Variants in ATXN1 observed in about 807,000 individuals in gnomAD.
ATXN1 encodes ataxin-1.
A neutral mutation model predicts 56.4 loss-of-function variants in ATXN1; 8 were observed. The observed-to-expected ratio is 0.14, with a 90% CI of 0.08 to 0.26. ATXN1 has a LOEUF of 0.26. Ranked by LOEUF, ATXN1 falls within the 10% of genes least tolerant of loss-of-function variation. ATXN1 has a pLI of 1.00. For missense variants in ATXN1, 987 were observed against 1,106.5 expected (o/e 0.89, Z 1.53); for synonymous variants, 514 against 494.6 (o/e 1.04, Z -0.52).
At chr6:16,651,784 T>C (rs184651532) in intron 3 of ATXN1, among the ~76,000 whole-genome samples, 2 of 152,302 alleles carry the variant, frequency 1.3e-5, no homozygotes, top group East Asian at 3.9e-4. Flanking sequence ...GAAATACTAG[T>C]TGTGTGTGCA....
chr6:16,376,073 G>T (rs1360454552), intron 6 of ATXN1, among the ~76,000 whole-genome samples: 2 of 152,202 alleles, frequency 1.3e-5, no homozygotes, highest in Non-Finnish European at 2.9e-5. Flanking sequence ...TTTCTGCATG[G>T]TTACATAAGC....
chr6:16,618,331 T>C (rs1160816737), intron 3 of ATXN1, among the ~76,000 whole-genome samples: 1 of 152,166 alleles, frequency 6.6e-6, no homozygotes, highest in Non-Finnish European at 1.5e-5. Context: ...AAAACCTAGA[T>C]GACAGGTTGA....
chr6:16,652,738 G>A (rs1758092671), intron 3 of ATXN1: 1 of 152,188 alleles, frequency 6.6e-6, no homozygotes, highest in African/African-American at 2.4e-5. Context: ...GGAAAATCTA[G>A]TAAGGTCTCC....
At chr6:16,580,559 G>A (rs1762510061) in intron 4 of ATXN1, among the ~76,000 whole-genome samples, 1 of 152,170 alleles carries the variant, frequency 6.6e-6, no homozygotes, top group Non-Finnish European at 1.5e-5. Context: ...ATTTTCTAAT[G>A]TGTTTTAAGA....
At chr6:16,329,537 G>C (rs976388047) in intron 6 of ATXN1, among the ~76,000 whole-genome samples, 2 of 152,112 alleles carry the variant, frequency 1.3e-5, no homozygotes, top group African/African-American at 4.8e-5. Flanking sequence ...AACCGAATTT[G>C]ATTATGGTTA....
At chr6:16,639,267 G>A (rs571600356) in intron 3 of ATXN1, among the ~76,000 whole-genome samples, 7 of 152,264 alleles carry the variant, frequency 4.6e-5, no homozygotes, top group East Asian at 1.9e-4. Flanking sequence ...GCTACTGCTC[G>A]CTCTTTGGGT....
intron 3 of ATXN1, among the ~76,000 whole-genome samples, chr6:16,602,211 G>A (rs1762924137): frequency 6.6e-6 from 1 of 151,962 alleles, no homozygotes; most frequent in Middle Eastern, 3.2e-3. Context: ...CCCTCTAGGT[G>A]CCTCCCCATT....
intron 4 of ATXN1, among the ~76,000 whole-genome samples, chr6:16,576,900 A>G (rs530543732): frequency 1.3e-5 from 2 of 152,264 alleles, no homozygotes; most frequent in East Asian, 3.9e-4. Context: ...TTTATAGGAG[A>G]TTGACATAAA....
chr6:16,610,426 G>A (rs1308275763), intron 3 of ATXN1, among the ~76,000 whole-genome samples: 1 of 151,822 alleles, frequency 6.6e-6, no homozygotes, highest in Admixed American at 6.6e-5. Context: ...CATTCAGTGA[G>A]GAGGAAAAGA....
chr6:16,433,652 T>C (rs145575447), intron 6 of ATXN1, among the ~76,000 whole-genome samples: 2 of 152,344 alleles, frequency 1.3e-5, no homozygotes, highest in African/African-American at 2.4e-5. Context: ...TACTGTCAAA[T>C]ACGATCCATT....
chr6:16,560,372 T>C (rs1034952867), intron 4 of ATXN1, among the ~76,000 whole-genome samples: 3 of 125,698 alleles, frequency 2.4e-5, no homozygotes, highest in Admixed American at 7.6e-5. Flanking sequence ...GAGGTTGCAG[T>C]GCACCGAGAT....
At chr6:16,477,047 C>T (rs1353824675) in intron 6 of ATXN1, among the ~76,000 whole-genome samples, 3 of 151,218 alleles carry the variant, frequency 2.0e-5, no homozygotes, top group African/African-American at 4.9e-5. Context: ...ATACGTCATA[C>T]TTCCTGTCAT....
intron 3 of ATXN1, among the ~76,000 whole-genome samples, chr6:16,619,109 CAG>C (rs1763272541): frequency 6.6e-6 from 1 of 151,734 alleles, no homozygotes; most frequent in South Asian, 2.1e-4. Context: ...ATCAAATTGG[CAG>C]AGTTTTTGTT....
rs185436287 is a variant in ATXN1 at position 16,486,729 on chromosome 6, C to T, written c.-298-620G>A. ...CGGGAAAAAGAAAGTGAAGGCATCA[C>T]GCAGGAAGCTAGGAGAAAGAGTGTA... On this transcript the variant is annotated intron_variant, in intron 5 of 7. Coordinates refer to ENST00000436367, the MANE Select transcript of ATXN1 (RefSeq NM_001128164.2). 1.1e-4 allele frequency among the ~76,000 whole-genome samples: 16 copies of T among 152,230 alleles called. No individual in the cohort carries two copies. The South Asian group carries it at 1.2e-3, about 12-fold the overall frequency.
chr6:16,703,786 G>C (rs1319521711), intron 2 of ATXN1, among the ~76,000 whole-genome samples: 1 of 152,226 alleles, frequency 6.6e-6, no homozygotes, highest in African/African-American at 2.4e-5. Flanking sequence ...TTGGGAGGCC[G>C]AGGCGGGTGG....
chr6:16,641,148 C>A (rs58013909), intron 3 of ATXN1, among the ~76,000 whole-genome samples: 3,158 of 152,252 alleles, frequency 0.021, 98 homozygotes, highest in African/African-American at 0.069. Flanking sequence ...GAAGTTGGTT[C>A]GTGAGATTTA....
At chr6:16,558,958 A>C (rs1762065614) in intron 4 of ATXN1, among the ~76,000 whole-genome samples, 1 of 152,208 alleles carries the variant, frequency 6.6e-6, no homozygotes, top group Non-Finnish European at 1.5e-5. Flanking sequence ...AAAACGTAGT[A>C]GAAAAATGGG....
intron 2 of ATXN1, chr6:16,666,899 T>C (rs1404148333): frequency 1.3e-5 from 2 of 152,290 alleles, no homozygotes; most frequent in Admixed American, 1.3e-4. Flanking sequence ...TTAAAGTACA[T>C]GGAAAGAGAT....
At chr6:16,659,545 T>C (rs1758275740) in intron 2 of ATXN1, among the ~76,000 whole-genome samples, 1 of 152,226 alleles carries the variant, frequency 6.6e-6, no homozygotes, top group South Asian at 2.1e-4. Context: ...CCTTGACGTT[T>C]CATTCCAATG....
Sources: allele counts gnomAD v4.1 joint callset (sites outside exome capture counted in the v4.1 genomes callset), GRCh38; gene constraint gnomAD v4.1.1; transcripts MANE v1.5; gene names NCBI Gene and HGNC (gene_info 2026-07-23, HGNC 2026-07-21).